Variants in SLC13A1 observed in about 807,000 individuals in gnomAD.
The protein encoded by SLC13A1 is solute carrier family 13 member 1.
Under a neutral mutation model 70.0 loss-of-function variants are expected in SLC13A1, and 65 were observed. The ratio of observed to expected loss-of-function variants is 0.93; its 90% confidence interval spans 0.76 to 1.14. The LOEUF (loss-of-function observed/expected upper bound fraction) is 1.14, where lower values mean the gene tolerates loss of function less well. Among genes scored for constraint, SLC13A1 ranks in the 50% most tolerant of loss-of-function variants. The pLI, the probability that SLC13A1 is intolerant of heterozygous loss-of-function variation, is 0.00. For synonymous variants in SLC13A1, 275 were observed against 250.5 expected, an observed-to-expected ratio of 1.10 and a Z score of -0.92; for missense variants, 726 against 717.8, an observed-to-expected ratio of 1.01 and a Z score of -0.13.
chr7:123,128,964 T>G lies in SLC13A1; in HGVS notation c.1032-18A>C, dbSNP rs1706661499. The G allele has an allele frequency of 6.6e-7, 1 of 1,504,826 alleles. No individual in the cohort carries two copies. Among genetic ancestry groups the G allele is most frequent in the Non-Finnish European group, 9.2e-7 (1 of 1,081,626 alleles). 93.2% of individuals were successfully genotyped at this position (1,504,826 alleles called of 1,614,324 possible). A position where few individuals can be genotyped will look rare whatever the true frequency, so the allele number is the denominator to read the frequency against. On this transcript the variant is annotated intron_variant, in intron 9 of 14. Transcript: ENST00000194130. The stretch of plus-strand genomic sequence containing the variant: ...CTTGATACCTGTGGAAAAATTCCAA[T>G]GGCATCACTTCTTATTTTCTCAGTC...
At chr7:123,121,508 C>A (rs1793381229) in intron 12 of SLC13A1, among the ~76,000 whole-genome samples, 1 of 151,940 alleles carries the variant, frequency 6.6e-6, no homozygotes, top group South Asian at 2.1e-4. Context: ...TAGTCTTTGT[C>A]TTTATGGATT....
intron 14 of SLC13A1, among the ~76,000 whole-genome samples, chr7:123,116,181 A>T (rs575088163): frequency 2.8e-4 from 43 of 152,162 alleles, no homozygotes; most frequent in Non-Finnish European, 5.3e-4. Flanking sequence ...ATTTTATGCC[A>T]TGTCTATTAT....
At chr7:123,166,553 C>A (rs1179265066) in intron 6 of SLC13A1, among the ~76,000 whole-genome samples, 2 of 152,114 alleles carry the variant, frequency 1.3e-5, no homozygotes, top group East Asian at 3.9e-4. Flanking sequence ...CCTTCCCCCA[C>A]CACACAACAG....
intron 2 of SLC13A1, among the ~76,000 whole-genome samples, chr7:123,177,232 C>T (rs1199505761): frequency 6.6e-6 from 1 of 152,076 alleles, no homozygotes; most frequent in Non-Finnish European, 1.5e-5. Flanking sequence ...TTCTTCCAAC[C>T]ATATGCCATA....
At chr7:123,169,102 T>C (rs371666706) in intron 4 of SLC13A1, 46 bp downstream of exon 4, 2 of 1,555,628 alleles carry the variant, frequency 1.3e-6, no homozygotes, top group Non-Finnish European at 1.8e-6. Flanking sequence ...TTATGTCTAT[T>C]GCTCTAATGA....
intron 1 of SLC13A1, among the ~76,000 whole-genome samples, chr7:123,192,574 C>T (rs576593224): frequency 3.1e-4 from 47 of 152,264 alleles, no homozygotes; most frequent in African/African-American, 1.0e-3. Context: ...GGTATGATCT[C>T]TTCTCAGCAC....
chr7:123,150,970 C>G (rs1479790937), intron 6 of SLC13A1, among the ~76,000 whole-genome samples: 1 of 151,852 alleles, frequency 6.6e-6, no homozygotes, highest in Non-Finnish European at 1.5e-5. Context: ...GCCAGATCAC[C>G]AAACTTCTGT....
intron 7 of SLC13A1, among the ~76,000 whole-genome samples, chr7:123,143,804 G>T (rs1381218098): frequency 6.6e-6 from 1 of 152,116 alleles, no homozygotes; most frequent in Non-Finnish European, 1.5e-5. Context: ...CCACCATCTT[G>T]CTCTGCCCCT....
chr7:123,147,346 G>A (rs1794395958), intron 6 of SLC13A1, 36 bp from the exon 7 acceptor site: 1 of 1,605,592 alleles, frequency 6.2e-7, no homozygotes, highest in African/African-American at 1.3e-5. Context: ...CATGAGAACT[G>A]CTCTATATTT....
intron 6 of SLC13A1, 99 bp from the exon 7 acceptor site, chr7:123,147,409 ACCC>A: frequency 1.5e-6 from 2 of 1,349,374 alleles, no homozygotes; most frequent in Admixed American, 4.3e-5. Flanking sequence ...ATATGTTGAA[ACCC>A]TAACTCCTGA....
chr7:123,151,889 T>G (rs1382997736), intron 6 of SLC13A1, among the ~76,000 whole-genome samples: 3 of 152,098 alleles, frequency 2.0e-5, no homozygotes, highest in African/African-American at 7.2e-5. Flanking sequence ...ACCTCCACTG[T>G]TGTCACCCTG....
intron 2 of SLC13A1, among the ~76,000 whole-genome samples, 192 bp downstream of exon 2, chr7:123,180,781 C>T (rs1795610783): frequency 6.6e-6 from 1 of 152,082 alleles, no homozygotes; most frequent in African/African-American, 2.4e-5. Flanking sequence ...ACTCAAGAAG[C>T]TGCAGCTTGT....
At chr7:123,147,948 C>T (rs1794420450) in intron 6 of SLC13A1, among the ~76,000 whole-genome samples, 1 of 151,916 alleles carries the variant, frequency 6.6e-6, no homozygotes, top group Admixed American at 6.6e-5. Flanking sequence ...TCAATAAGTC[C>T]CTAAACTTCT....
intron 8 of SLC13A1, 74 bp downstream of exon 8, chr7:123,134,336 G>A: frequency 1.4e-6 from 2 of 1,412,716 alleles, no homozygotes. Flanking sequence ...AGGGGAAAGA[G>A]CATCGGATAA....
chr7:123,196,277 T>A (rs1363912838), intron 1 of SLC13A1, among the ~76,000 whole-genome samples: 1 of 152,102 alleles, frequency 6.6e-6, no homozygotes, highest in Non-Finnish European at 1.5e-5. Flanking sequence ...AGGACTGAGA[T>A]TACCATTATG....
chr7:123,181,736 T>C (rs1340605078), intron 1 of SLC13A1, among the ~76,000 whole-genome samples: 4 of 152,148 alleles, frequency 2.6e-5, no homozygotes, highest in Non-Finnish European at 5.9e-5. Context: ...TGTTAAGAGA[T>C]GGTCAAAATT....
chr7:123,157,670 T>G (rs1036104037), intron 6 of SLC13A1, among the ~76,000 whole-genome samples: 1 of 152,136 alleles, frequency 6.6e-6, no homozygotes, highest in Non-Finnish European at 1.5e-5. Context: ...TAGCATATTT[T>G]TCTATCCAGC....
At chr7:123,188,886 C>T (rs1227286624) in intron 1 of SLC13A1, among the ~76,000 whole-genome samples, 9 of 151,772 alleles carry the variant, frequency 5.9e-5, no homozygotes, top group South Asian at 2.1e-4. Flanking sequence ...GAGGCCGAGG[C>T]GGGCGGATCA....
At chr7:123,174,621 G>T (rs919664540) in intron 2 of SLC13A1, among the ~76,000 whole-genome samples, 1 of 151,974 alleles carries the variant, frequency 6.6e-6, no homozygotes, top group Non-Finnish European at 1.5e-5. Context: ...CATTGTCATA[G>T]CCCCTTTTCT....
Sources: gnomAD v4.1 joint callset for allele counts (sites outside exome capture counted in the v4.1 genomes callset) on GRCh38, gnomAD v4.1.1 for gene constraint, MANE v1.5 for transcripts, NCBI Gene and HGNC (gene_info 2026-07-23, HGNC 2026-07-21) for gene names.